HIPK2: variants seen among roughly 807,000 people sequenced by gnomAD.
HIPK2 encodes homeodomain-interacting protein kinase 2.
Under a neutral mutation model 113.7 loss-of-function variants are expected in HIPK2, and 27 were observed. The observed-to-expected ratio is 0.24, with a 90% CI of 0.17 to 0.33. The LOEUF is 0.33. HIPK2 is among the 10% of genes least tolerant of loss of function. The pLI is 1.00. For synonymous variants in HIPK2, 631 were observed against 642.2 expected (o/e 0.98, Z 0.26); for missense variants, 1,257 against 1,588.0 (o/e 0.79, Z 3.54).
chr7:139,761,924 ATTTCT>A (rs1232347317), intron 1 of HIPK2, among the ~76,000 whole-genome samples: 1 of 152,136 alleles, frequency 6.6e-6, no homozygotes, highest in Admixed American at 6.5e-5. Context: ...AACAGTGGTC[ATTTCT>A]GGACAGAGAC....
intron 1 of HIPK2, among the ~76,000 whole-genome samples, chr7:139,724,774 A>G (rs1795521026): frequency 6.7e-6 from 1 of 148,428 alleles, no homozygotes; most frequent in Non-Finnish European, 1.5e-5. Context: ...GAGTGAGAAC[A>G]TGCGGTGTTT....
intron 1 of HIPK2, among the ~76,000 whole-genome samples, chr7:139,739,200 A>G (rs1222120103): frequency 2.0e-5 from 3 of 152,184 alleles, no homozygotes; most frequent in African/African-American, 4.8e-5. Context: ...TGCTGGGACC[A>G]CAGGTATATG....
Position 139,631,427 on chromosome 7 carries a change from G to T in HIPK2, c.1228-143C>A. 7.0e-7 allele frequency: 1 copy of T among 1,429,738 alleles called. No individual in the cohort carries two copies. Among genetic ancestry groups the T allele is most frequent in the Non-Finnish European group, 9.3e-7 (1 of 1,078,980 alleles). 88.6% of individuals were successfully genotyped at this position (1,429,738 alleles called of 1,614,324 possible). On this transcript the variant is annotated intron_variant, in intron 3 of 14. Transcript: ENST00000406875. The surrounding 1 kb of genome is among the most constrained non-coding windows in gnomAD (Gnocchi z 4.9). ...TAACAAAAAAGAGAAAAAAGAAAAA[G>T]GGAAAAGAGAAAGGAATAAAGAAAA...
chr7:139,634,124 A>AT (rs1272921352), intron 2 of HIPK2, among the ~76,000 whole-genome samples: 118 of 150,868 alleles, frequency 7.8e-4, no homozygotes, highest in African/African-American at 2.8e-3. Flanking sequence ...AAAAAAAAAA[A>AT]TTTTAGTTTA....
chr7:139,689,996 G>A (rs1325186116), intron 2 of HIPK2, among the ~76,000 whole-genome samples: 1 of 149,468 alleles, frequency 6.7e-6, no homozygotes, highest in Non-Finnish European at 1.5e-5. Context: ...ACCTCGGTGT[G>A]CACAGGGGGC....
At chr7:139,626,991 G>C (rs1161342588) in intron 5 of HIPK2, among the ~76,000 whole-genome samples, 1 of 152,216 alleles carries the variant, frequency 6.6e-6, no homozygotes, top group Non-Finnish European at 1.5e-5. Flanking sequence ...GAAAGGCAGA[G>C]AGGGGCTGTG....
chr7:139,687,112 C>A (rs979653573), intron 2 of HIPK2, among the ~76,000 whole-genome samples: 1 of 152,186 alleles, frequency 6.6e-6, no homozygotes, highest in Admixed American at 6.5e-5. Context: ...TTCATTCATT[C>A]ATTTATTTAT....
At chr7:139,764,454 A>G (rs181444229) in intron 1 of HIPK2, among the ~76,000 whole-genome samples, 1 of 152,332 alleles carries the variant, frequency 6.6e-6, no homozygotes. Flanking sequence ...AAGTAAAACA[A>G]AGTCAAGGAT....
In HIPK2 at chr7:139,569,405, G is replaced by C. The variant is rs899209087; in HGVS notation, c.*3522C>G. On this transcript the variant is annotated 3_prime_UTR_variant, in exon 15 of 15. Coordinates refer to ENST00000406875, the MANE Select transcript of HIPK2 (RefSeq NM_022740.5). ...GGGGAAGCGGATGGGGTCACCTCTGGGAGGGAATTTTCTTGCTTAAATACC... is the reference window on the plus strand; with the variant it reads ...GGGGAAGCGGATGGGGTCACCTCTGCGAGGGAATTTTCTTGCTTAAATACC... The C allele has an allele frequency of 1.3e-5, 2 of 152,248 alleles. No homozygotes were observed. Among genetic ancestry groups the C allele is most frequent in the African/African-American group, 4.8e-5 (2 of 41,450 alleles). 9.4% of individuals were successfully genotyped at this position (152,248 alleles called of 1,614,324 possible).
At chr7:139,745,272 T>C (rs1312280940) in intron 1 of HIPK2, among the ~76,000 whole-genome samples, 1 of 152,166 alleles carries the variant, frequency 6.6e-6, no homozygotes, top group Non-Finnish European at 1.5e-5. Flanking sequence ...AGGAGTGCTC[T>C]GAAAAGTCCC....
Position 139,570,055 on chromosome 7 carries a change from A to ATTATTT in HIPK2, c.*2871_*2872insAAATAA, listed in dbSNP as rs1798213111. 6.6e-6 allele frequency: 1 copy of ATTATTT among 152,200 alleles called. No individual in the cohort carries two copies. Among genetic ancestry groups the ATTATTT allele is most frequent in the African/African-American group, 2.4e-5 (1 of 41,444 alleles). 9.4% of individuals were successfully genotyped at this position (152,200 alleles called of 1,614,324 possible). ...AAGCAGACAGAATAATTTTCTTTAA[A>ATTATTT]ATGAAAAGAACATTTTAAGCTGTCT... On this transcript the variant is annotated 3_prime_UTR_variant, in exon 15 of 15. Coordinates refer to ENST00000406875, the MANE Select transcript of HIPK2 (RefSeq NM_022740.5).
At chr7:139,757,882 GAAAT>G (rs1291747231) in intron 1 of HIPK2, among the ~76,000 whole-genome samples, 1 of 152,080 alleles carries the variant, frequency 6.6e-6, no homozygotes, top group Non-Finnish European at 1.5e-5. Context: ...AATACATGTG[GAAAT>G]AAATAGTCCT....
chr7:139,596,642 G>T, intron 12 of HIPK2, 75 bp downstream of exon 12: 1 of 1,543,740 alleles, frequency 6.5e-7, no homozygotes, highest in Non-Finnish European at 8.8e-7. Flanking sequence ...GTTTGATGAT[G>T]GAAGATGGTC....
intron 1 of HIPK2, 132 bp from the exon 2 acceptor site, chr7:139,717,147 GA>G: frequency 8.3e-7 from 1 of 1,201,808 alleles, no homozygotes; most frequent in Non-Finnish European, 1.1e-6. Flanking sequence ...AAACAAGGTT[GA>G]AAAAGTGAAT....
intron 2 of HIPK2, among the ~76,000 whole-genome samples, chr7:139,694,806 C>A (rs1260282349): frequency 6.6e-6 from 1 of 152,190 alleles, no homozygotes; most frequent in Non-Finnish European, 1.5e-5. Flanking sequence ...AAGGCTCTGC[C>A]TGTTAACCCC....
intron 1 of HIPK2, among the ~76,000 whole-genome samples, chr7:139,721,517 T>C (rs1423733080): frequency 1.3e-5 from 2 of 152,340 alleles, no homozygotes; most frequent in East Asian, 1.9e-4. Flanking sequence ...AATGTTTTTT[T>C]CCACTTGAAA....
chr7:139,572,894 T>TA lies in HIPK2; in HGVS notation c.*32_*33insT. On this transcript the variant is annotated 3_prime_UTR_variant, in exon 15 of 15. Transcript: ENST00000406875. ...CTCCCTCCTCCCTCGGGCCATTCTC[T>TA]CCCTCCCTCCCTCCCTCCCTCCCCT... 7.2e-6 allele frequency: 4 copies of TA among 554,278 alleles called. No homozygotes were observed. Among genetic ancestry groups the TA allele is most frequent in the Non-Finnish European group, 9.9e-6 (3 of 302,510 alleles). 34.3% of individuals were successfully genotyped at this position (554,278 alleles called of 1,614,324 possible).
chr7:139,696,582 C>A (rs1457999099), intron 2 of HIPK2, among the ~76,000 whole-genome samples: 40 of 146,076 alleles, frequency 2.7e-4, no homozygotes, highest in African/African-American at 3.3e-4. Flanking sequence ...GACCCTGCCT[C>A]AAAAAAAAAA....
At chr7:139,638,078 T>TA (rs1800870929) in intron 2 of HIPK2, among the ~76,000 whole-genome samples, 1 of 152,188 alleles carries the variant, frequency 6.6e-6, no homozygotes, top group Non-Finnish European at 1.5e-5. Context: ...CCAAACCTCT[T>TA]ATTTTATGGC....
Sources: allele counts gnomAD v4.1 joint callset (sites outside exome capture counted in the v4.1 genomes callset), GRCh38; gene constraint gnomAD v4.1.1; non-coding constraint Gnocchi (gnomAD v3.1); transcripts MANE v1.5; gene names NCBI Gene and HGNC (gene_info 2026-07-23, HGNC 2026-07-21).